The following CMAS variants were observed in gnomAD, a reference collection of about 807,000 sequenced individuals.
CMAS encodes cytidine monophosphate N-acetylneuraminic acid synthetase, also known as N-acylneuraminate cytidylyltransferase.
CMAS carries 21 observed loss-of-function variants against 53.4 expected under a neutral mutation model. That is an observed-to-expected ratio of 0.39 (90% confidence interval 0.28 to 0.57). The LOEUF (loss-of-function observed/expected upper bound fraction) is 0.57. Among genes scored for constraint, CMAS ranks in the 20% least tolerant of loss-of-function variants. The pLI is 0.56. For missense variants in CMAS, 384 were observed against 534.9 expected (o/e 0.72, Z 2.78); for synonymous variants, 189 against 195.2 (o/e 0.97, Z 0.27).
chr12:22,048,396 T>C (rs944319478), intron 1 of CMAS, among the ~76,000 whole-genome samples: 6 of 152,120 alleles, frequency 3.9e-5, no homozygotes, highest in Admixed American at 2.0e-4. Flanking sequence ...ACTCTCAGGG[T>C]ACCTAATGAC....
chr12:22,065,304 A>C lies in CMAS; in HGVS notation c.1298A>C (p.Gln433Pro). The change falls in exon 8 of 8, where the codon CAA becomes CCA. Residue 433 changes from glutamine (Q) to proline (P), a missense_variant. Gln to Pro is a moderately conservative substitution (Grantham distance 76, BLOSUM62 -1). This residue lies in a region of CMAS where 134 missense variants were observed against 154.6 expected (regional missense o/e 0.87). Transcript: ENST00000229329. The stretch of plus-strand genomic sequence containing the variant: ...ATGGAAAAGGTTAATAATTCATGCC[A>C]AAAATAGAAATTAGCGTAATATTGA... ...LLMEKVNNSC[Q>P]K is the part of the protein sequence containing the mutation. 1 of 1,607,304 alleles carries C rather than the reference A, an allele frequency of 6.2e-7. No homozygotes were observed. Among genetic ancestry groups the C allele is most frequent in the Non-Finnish European group, 8.5e-7 (1 of 1,174,580 alleles).
Position 22,057,265 on chromosome 12 carries a change from A to ACACACACG in CMAS, c.560-1295_560-1294insGCACACAC, listed in dbSNP as rs1213172917. On this transcript the variant is annotated intron_variant, in intron 3 of 7. Transcript: ENST00000229329. ...TACACACACACACACACACACACAC[A>ACACACACG]CACACACACAGATTTGAGGAAAACT... is the stretch of plus-strand genomic sequence containing the variant. Among the ~76,000 whole-genome samples the ACACACACG allele has an allele frequency of 2.0e-5, 3 of 150,714 alleles. No individual in the cohort carries two copies. In the East Asian group the frequency reaches 5.8e-4, roughly 29 times the overall value.
chr12:22,049,762 A>C lies in CMAS; in HGVS notation c.260+3199A>C, dbSNP rs182318619. ...TCTACCAAAAATACAAAAATTAGCC[A>C]GTTGTGGTGGTGCATGCCTGTAATC... On this transcript the variant is annotated intron_variant, in intron 1 of 7. Coordinates refer to ENST00000229329, the MANE Select transcript of CMAS (RefSeq NM_018686.6). Among the ~76,000 whole-genome samples, 731 of 152,212 alleles carry C rather than the reference A, an allele frequency of 4.8e-3. 2 individuals carry two copies. Among genetic ancestry groups the C allele is most frequent in the Middle Eastern group, 0.014 (4 of 294 alleles).
Position 22,061,362 on chromosome 12 carries a change from C to T in CMAS, c.870C>T (p.His290=). Residue 290 remains histidine (H), a synonymous_variant, in exon 6 of 8, where the codon CAC becomes CAT. Coordinates refer to ENST00000229329, the MANE Select transcript of CMAS (RefSeq NM_018686.6). ...CNIDGCLTNG[H]IYVSGDQKEI... is the part of the protein sequence containing the mutation. ...TTGATGGATGTCTCACCAATGGCCA[C>T]ATTTATGTATCAGGAGACCAAAAAG... 6.2e-7 allele frequency: 1 copy of T among 1,608,926 alleles called. No individual in the cohort carries two copies. The highest frequency in any genetic ancestry group is 8.5e-7 in the Non-Finnish European group (1 of 1,176,038).
intron 6 of CMAS, 77 bp from the exon 7 acceptor site, chr12:22,062,204 A>G (rs1364756164): frequency 7.4e-7 from 1 of 1,344,516 alleles, no homozygotes; most frequent in East Asian, 2.4e-5. Context: ...AAGGTCAATT[A>G]TTATGAAAGA....
In CMAS at chr12:22,065,316, T is replaced by G; in HGVS notation, c.*5T>G. On this transcript the variant is annotated 3_prime_UTR_variant, in exon 8 of 8. Coordinates refer to ENST00000229329, the MANE Select transcript of CMAS (RefSeq NM_018686.6). ...AATAATTCATGCCAAAAATAGAAAT[T>G]AGCGTAATATTGAGAAAAAAATGAT... is the stretch of plus-strand genomic sequence containing the variant. 5 of 1,600,802 alleles carry G rather than the reference T, an allele frequency of 3.1e-6. No homozygotes were observed. Among genetic ancestry groups the G allele is most frequent in the South Asian group, 1.1e-5 (1 of 90,542 alleles).
rs371978033 is a variant in CMAS, at chr12:22,046,477, C to A, written c.174C>A (p.Ile58=). ...TGGCCCGGGGAGGCAGCAAAGGCAT[C>A]CCCCTGAAGAACATTAAGCACCTGG... ...LILARGGSKG[I]PLKNIKHLAG... The change falls in exon 1 of 8, where the codon ATC becomes ATA. Residue 58 remains isoleucine, a synonymous_variant. Coordinates refer to ENST00000229329, the MANE Select transcript of CMAS (RefSeq NM_018686.6). 3.7e-5 allele frequency: 59 copies of A among 1,610,184 alleles called. No individual in the cohort carries two copies. In the African/African-American group the frequency reaches 6.8e-4, roughly 19 times the overall value.
intron 1 of CMAS, among the ~76,000 whole-genome samples, chr12:22,050,221 A>G (rs551319294): frequency 6.6e-6 from 1 of 152,352 alleles, no homozygotes; most frequent in East Asian, 1.9e-4. Flanking sequence ...CTGAAATCAA[A>G]CTGTGGATTT....
At chr12:22,057,622 A>G (rs1270290372) in intron 3 of CMAS, among the ~76,000 whole-genome samples, 1 of 152,118 alleles carries the variant, frequency 6.6e-6, no homozygotes, top group East Asian at 1.9e-4. Context: ...AAAGGGCCCA[A>G]ATATTAATAT....
intron 7 of CMAS, among the ~76,000 whole-genome samples, chr12:22,062,964 A>T (rs1242310371): frequency 6.6e-6 from 1 of 152,192 alleles, no homozygotes; most frequent in Non-Finnish European, 1.5e-5. Context: ...GAATATCCCT[A>T]AAAAGGATTA....
intron 6 of CMAS, 98 bp downstream of exon 6, chr12:22,061,550 C>CT: frequency 1.3e-6 from 1 of 766,008 alleles, no homozygotes; most frequent in Non-Finnish European, 1.9e-6. Flanking sequence ...AGTATTAACT[C>CT]TTAAAATATC....
chr12:22,048,631 C>T (rs548089782), intron 1 of CMAS, among the ~76,000 whole-genome samples: 1 of 152,282 alleles, frequency 6.6e-6, no homozygotes, highest in East Asian at 1.9e-4. Context: ...AAAAACTTTC[C>T]CTGCCTTTTG....
At chr12:22,054,868 A>G (rs1472734900) in intron 1 of CMAS, among the ~76,000 whole-genome samples, 1 of 151,548 alleles carries the variant, frequency 6.6e-6, no homozygotes, top group African/African-American at 2.4e-5. Flanking sequence ...TTTGATCCTC[A>G]CCCTCCTCCC....
Position 22,065,392 on chromosome 12 carries a change from G to A in CMAS, c.*81G>A. 5 of 1,077,050 alleles carry A rather than the reference G, an allele frequency of 4.6e-6. No individual in the cohort carries two copies. Among genetic ancestry groups the A allele is most frequent in the Non-Finnish European group, 6.9e-6 (5 of 727,348 alleles). 66.7% of individuals were successfully genotyped at this position (1,077,050 alleles called of 1,614,324 possible). On this transcript the variant is annotated 3_prime_UTR_variant, in exon 8 of 8. Transcript: ENST00000229329. ...TTATTTTTGATTAAGTAAATTCCAT[G>A]TTGTAATGTTACAGAGAGTGTGATT...
At chr12:22,065,082 C>CTCTT in intron 7 of CMAS, 39 bp from the exon 8 acceptor site, 1 of 1,504,440 alleles carries the variant, frequency 6.6e-7, no homozygotes, top group Non-Finnish European at 9.1e-7. Context: ...TATTCTTTGT[C>CTCTT]TCTTTAAATG....
intron 1 of CMAS, among the ~76,000 whole-genome samples, chr12:22,047,779 G>C (rs867718699): frequency 6.6e-6 from 1 of 152,166 alleles, no homozygotes; most frequent in Non-Finnish European, 1.5e-5. Context: ...GGAATACCAA[G>C]ATGATTGGGA....
chr12:22,061,127 G>A (rs1950306261), intron 5 of CMAS, among the ~76,000 whole-genome samples, 154 bp from the exon 6 acceptor site: 1 of 152,106 alleles, frequency 6.6e-6, no homozygotes, highest in South Asian at 2.1e-4. Context: ...TTTACTTACT[G>A]TACTATATGT....
intron 3 of CMAS, among the ~76,000 whole-genome samples, chr12:22,055,902 T>G (rs1328167350): frequency 2.6e-5 from 4 of 152,202 alleles, no homozygotes; most frequent in African/African-American, 9.7e-5. Flanking sequence ...AATACTTTTA[T>G]GTTTGTTCTA....
Position 22,058,630 on chromosome 12 carries a change from A to T in CMAS, c.623A>T (p.Asp208Val). 1 of 1,613,806 alleles carries T rather than the reference A, an allele frequency of 6.2e-7. No homozygotes were observed. Among genetic ancestry groups the T allele is most frequent in the Non-Finnish European group, 8.5e-7 (1 of 1,179,824 alleles). Residue 208 changes from aspartate to valine, a missense_variant, in exon 4 of 8, where the codon GAT becomes GTT. Physicochemically the swap from Asp to Val is radical, Grantham distance 152. Around this residue, in one of 3 missense-constraint regions of CMAS, gnomAD observed 139 missense variants for 248.0 expected, o/e 0.56. Coordinates refer to ENST00000229329, the MANE Select transcript of CMAS (RefSeq NM_018686.6). ...AAACGGCCTCGTCGACAAGACTGGG[A>T]TGGAGAATTATATGAAAATGGCTCA... The part of the protein sequence containing the change: ...PAKRPRRQDW[D>V]GELYENGSFY...
Sources: allele counts gnomAD v4.1 joint callset (sites outside exome capture counted in the v4.1 genomes callset), GRCh38; gene constraint gnomAD v4.1.1; regional missense constraint gnomAD v4.1.1; transcripts MANE v1.5; gene names NCBI Gene and HGNC (gene_info 2026-07-23, HGNC 2026-07-21).